Variants in CCL1 observed in about 807,000 individuals in gnomAD.
CCL1 encodes the protein C-C motif chemokine ligand 1, also known as C-C motif chemokine 1.
In CCL1, 9 loss-of-function variants were observed where a neutral mutation model predicts 7.5. That is an observed-to-expected ratio of 1.20 (90% CI 0.72 to 2.09). The LOEUF (loss-of-function observed/expected upper bound fraction) is 2.09. CCL1 is among the 30% of genes most tolerant of loss of function. The pLI, the probability that CCL1 is intolerant of heterozygous loss-of-function variation, is 0.00. For synonymous variants in CCL1, 48 were observed against 44.7 expected (o/e 1.07, Z -0.30); for missense variants, 110 against 113.7 (o/e 0.97, Z 0.15).
chr17:34,362,936 G>A, intron 1 of CCL1, 150 bp downstream of exon 1: 1 of 699,738 alleles, frequency 1.4e-6, no homozygotes, highest in Non-Finnish European at 2.4e-6. Context: ...CCTCACCCCA[G>A]CCTGTCCAAG....
At chr17:34,361,585 C>A (rs757812919) in intron 2 of CCL1, among the ~76,000 whole-genome samples, 200 bp downstream of exon 2, 2 of 152,258 alleles carry the variant, frequency 1.3e-5, no homozygotes, top group African/African-American at 2.4e-5. Flanking sequence ...ACTGCAGGAG[C>A]ACAGATGCAT....
chr17:34,361,642 A>C (rs894447602), intron 2 of CCL1, 143 bp downstream of exon 2: 7 of 617,980 alleles, frequency 1.1e-5, no homozygotes, highest in Admixed American at 2.2e-5. Flanking sequence ...CTAGCGCCCA[A>C]GTGTGGCTTG....
intron 2 of CCL1, among the ~76,000 whole-genome samples, chr17:34,361,000 T>C (rs1910491273): frequency 6.6e-6 from 1 of 152,170 alleles, no homozygotes; most frequent in Non-Finnish European, 1.5e-5. Context: ...TTAATGTTTC[T>C]GTGTCCATCT....
intron 1 of CCL1, among the ~76,000 whole-genome samples, chr17:34,362,450 T>C: frequency 6.6e-6 from 1 of 152,120 alleles, no homozygotes; most frequent in East Asian, 1.9e-4. Flanking sequence ...AATCCCCTCC[T>C]GCCCTGGTCC....
At chr17:34,362,935 A>T (rs1910544413) in intron 1 of CCL1, 151 bp downstream of exon 1, 1 of 697,212 alleles carries the variant, frequency 1.4e-6, no homozygotes, top group Non-Finnish European at 2.5e-6. Flanking sequence ...CCCTCACCCC[A>T]GCCTGTCCAA....
rs756858738 is a variant in CCL1 at position 34,360,514 on chromosome 17, G to A, written c.*45C>T. ...GTAGGGCTGGTAGTTTCGGGGACAG[G>A]TGAAGCCATGTGGTTTCCAGAGCCC... On this transcript the variant is annotated 3_prime_UTR_variant, in exon 3 of 3. Transcript: ENST00000225842. 2.0e-5 allele frequency: 29 copies of A among 1,436,566 alleles called. No homozygotes were observed. The highest frequency in any genetic ancestry group is 2.3e-5 in the Non-Finnish European group (23 of 1,017,836). The allele number at this position is 1,436,566 out of a possible 1,614,324, so 89.0% of individuals were successfully genotyped here.
At chr17:34,362,018 C>G in intron 1 of CCL1, 122 bp from the exon 2 acceptor site, 1 of 610,002 alleles carries the variant, frequency 1.6e-6, no homozygotes, top group Non-Finnish European at 2.9e-6. Context: ...GGACCACATC[C>G]AGACGGTGCC....
Position 34,360,331 on chromosome 17 carries a change from C to T in CCL1, c.*228G>A. 1 of 487,130 alleles carries T rather than the reference C, an allele frequency of 2.1e-6. No homozygotes were observed. Among genetic ancestry groups the T allele is most frequent in the Non-Finnish European group, 3.8e-6 (1 of 265,910 alleles). The allele number at this position is 487,130 out of a possible 1,614,324, so 30.2% of individuals were successfully genotyped here. A position where few individuals can be genotyped will look rare whatever the true frequency, so the allele number is the denominator to read the frequency against. On this transcript the variant is annotated 3_prime_UTR_variant, in exon 3 of 3. Transcript: ENST00000225842. ...CCATCCTTCAGCCCCTGGCTCCCAC[C>T]TCTCAATGCCAATCAAGTTTTCACT...
At position 34,363,231 on chromosome 17, in the gene CCL1, T is replaced by C; in HGVS notation, c.-70A>G. 1.4e-6 allele frequency: 2 copies of C among 1,429,586 alleles called. No individual in the cohort carries two copies. The highest frequency in any genetic ancestry group is 2.0e-6 in the Non-Finnish European group (2 of 1,022,662). The allele number at this position is 1,429,586 out of a possible 1,614,324, so 88.6% of individuals were successfully genotyped here. ...CCTGGTGAAGCTAAGAGCTCACCAC[T>C]GTGCCGTCCTGCAATGCTGAGGGCT... On this transcript the variant is annotated 5_prime_UTR_variant, in exon 1 of 3. Coordinates refer to ENST00000225842, the MANE Select transcript of CCL1 (RefSeq NM_002981.2).
At chr17:34,361,027 C>A (rs1910491567) in intron 2 of CCL1, among the ~76,000 whole-genome samples, 1 of 151,806 alleles carries the variant, frequency 6.6e-6, no homozygotes, top group Non-Finnish European at 1.5e-5. Context: ...TTACTTGTTG[C>A]GTTGGACTCA....
chr17:34,360,379 G>A lies in CCL1; in HGVS notation c.*180C>T. 1.8e-6 allele frequency: 1 copy of A among 563,188 alleles called. No individual in the cohort carries two copies. Among genetic ancestry groups the A allele is most frequent in the Non-Finnish European group, 3.2e-6 (1 of 312,578 alleles). The allele number at this position is 563,188 out of a possible 1,614,324, so 34.9% of individuals were successfully genotyped here. On this transcript the variant is annotated 3_prime_UTR_variant, in exon 3 of 3. Coordinates refer to ENST00000225842, the MANE Select transcript of CCL1 (RefSeq NM_002981.2). ...ACTCTGAAATCCAAGAGACCCAGAGGGTTGGGGGTTGATGATTGTATAATT... is the reference window on the plus strand; with the variant it reads ...ACTCTGAAATCCAAGAGACCCAGAGAGTTGGGGGTTGATGATTGTATAATT...
chr17:34,362,661 T>C (rs1342170437), intron 1 of CCL1, among the ~76,000 whole-genome samples: 1 of 152,138 alleles, frequency 6.6e-6, no homozygotes, highest in Non-Finnish European at 1.5e-5. Flanking sequence ...ATTTCACTGA[T>C]AGAGAAAGTA....
In CCL1 at chr17:34,360,357, C is replaced by T; in HGVS notation, c.*202G>A. ...TCTCAATGCCAATCAAGTTTTCACT[C>T]TGAAATCCAAGAGACCCAGAGGGTT... On this transcript the variant is annotated 3_prime_UTR_variant, in exon 3 of 3. Coordinates refer to ENST00000225842, the MANE Select transcript of CCL1 (RefSeq NM_002981.2). 1.9e-6 allele frequency: 1 copy of T among 523,958 alleles called. No individual in the cohort carries two copies. Among genetic ancestry groups the T allele is most frequent in the Non-Finnish European group, 3.5e-6 (1 of 288,848 alleles). The allele number at this position is 523,958 out of a possible 1,614,324, so 32.5% of individuals were successfully genotyped here. A position where few individuals can be genotyped will look rare whatever the true frequency, so the allele number is the denominator to read the frequency against.
chr17:34,362,820 C>A (rs1910540904), intron 1 of CCL1, among the ~76,000 whole-genome samples: 1 of 152,144 alleles, frequency 6.6e-6, no homozygotes, highest in Non-Finnish European at 1.5e-5. Context: ...ACCCGAGTAA[C>A]CTCACAGGTT....
Position 34,360,488 on chromosome 17 carries a change from T to G in CCL1, c.*71A>C. The stretch of plus-strand genomic sequence containing the variant: ...AGCAAAAGCAGGGCAGAAGGAATGG[T>G]GTAGGGCTGGTAGTTTCGGGGACAG... On this transcript the variant is annotated 3_prime_UTR_variant, in exon 3 of 3. Coordinates refer to ENST00000225842, the MANE Select transcript of CCL1 (RefSeq NM_002981.2). 8.8e-7 allele frequency: 1 copy of G among 1,133,728 alleles called. No individual in the cohort carries two copies. The highest frequency in any genetic ancestry group is 1.2e-5 in the South Asian group (1 of 81,304). The allele number at this position is 1,133,728 out of a possible 1,614,324, so 70.2% of individuals were successfully genotyped here. A position where few individuals can be genotyped will look rare whatever the true frequency, so the allele number is the denominator to read the frequency against.
intron 2 of CCL1, 47 bp from the exon 3 acceptor site, chr17:34,360,708 C>G: frequency 7.0e-7 from 1 of 1,437,352 alleles, no homozygotes; most frequent in African/African-American, 1.4e-5. Flanking sequence ...CAAGCCACCA[C>G]TGGGTGGGCA....
Position 34,361,773 on chromosome 17 carries a change from G to GAGAT in CCL1, c.188+11_188+12insATCT. ...TGTTCTCTAGGGAGAGATTGAGCAG[G>GAGAT]TGATCACTTACATTAAGCCCTCATT... On this transcript the variant is annotated intron_variant, in intron 2 of 2. Transcript: ENST00000225842. The GAGAT allele has an allele frequency of 6.5e-7, 1 of 1,529,614 alleles. No homozygotes were observed. The highest frequency in any genetic ancestry group is 9.1e-7 in the Non-Finnish European group (1 of 1,103,480). 94.8% of individuals were successfully genotyped at this position (1,529,614 alleles called of 1,614,324 possible).
rs1286358579 is a variant in CCL1, at chr17:34,360,561, A to G, written c.289T>C (p.Ter97ArgextTer49). The G allele has an allele frequency of 2.5e-6, 4 of 1,612,056 alleles. No homozygotes were observed. Among genetic ancestry groups the G allele is most frequent in the East Asian group, 4.5e-5 (2 of 44,838 alleles). ...MLRHCPSKRK[*>R] is the part of the protein sequence containing the mutation. ...GCCCACAATGGAAAGAAATCTGCTC[A>G]TTTTCTTTTTGACGGGCAGTGCCTC... is the stretch of plus-strand genomic sequence containing the variant. The change falls in exon 3 of 3, where the codon TGA becomes CGA. Residue 97 changes from the stop codon to arginine, a stop_lost. Transcript: ENST00000225842.
chr17:34,361,286 T>C (rs1393660113), intron 2 of CCL1, among the ~76,000 whole-genome samples: 1 of 152,134 alleles, frequency 6.6e-6, no homozygotes, highest in East Asian at 1.9e-4. Context: ...AAATACTGAC[T>C]GGTTTGTGAA....
Sources: gnomAD v4.1 joint callset for allele counts (sites outside exome capture counted in the v4.1 genomes callset) on GRCh38, gnomAD v4.1.1 for gene constraint, MANE v1.5 for transcripts, NCBI Gene and HGNC (gene_info 2026-07-23, HGNC 2026-07-21) for gene names.